The following XKR4 variants were observed in gnomAD, a reference collection of about 807,000 sequenced individuals.
XKR4 encodes the protein XK-related protein 4.
Under a neutral mutation model 53.9 loss-of-function variants are expected in XKR4, and 12 were observed. That is an observed-to-expected ratio of 0.22 (90% CI 0.14 to 0.36). The LOEUF (loss-of-function observed/expected upper bound fraction) is 0.36, where lower values mean the gene tolerates loss of function less well. XKR4 is among the 10% of genes least tolerant of loss of function. The pLI, the probability that XKR4 is intolerant of heterozygous loss-of-function variation, is 1.00. For missense variants in XKR4, 799 were observed against 859.5 expected (o/e 0.93, Z 0.88); for synonymous variants, 354 against 362.4 (o/e 0.98, Z 0.26).
intron 2 of XKR4, among the ~76,000 whole-genome samples, chr8:55,394,907 A>C (rs1804492798): frequency 6.6e-6 from 1 of 152,204 alleles, no homozygotes; most frequent in Admixed American, 6.5e-5. Context: ...ATCACTTTGC[A>C]TTGAAATGCC....
rs192117806 is a variant in XKR4, at chr8:55,472,810, G to A, written c.1007-50471G>A. Reference sequence around the variant, plus strand: ...GGAGTATTCTGAAGAATAATGGGGGGTGAGGAAACGGAGGCACCACAGGTA... The same window carrying A: ...GGAGTATTCTGAAGAATAATGGGGGATGAGGAAACGGAGGCACCACAGGTA... On this transcript the variant is annotated intron_variant, in intron 2 of 2. Transcript: ENST00000327381. 4.6e-5 allele frequency among the ~76,000 whole-genome samples: 7 copies of A among 152,184 alleles called. No homozygotes were observed. The East Asian group carries it at 1.3e-3, about 29-fold the overall frequency.
At chr8:55,141,432 G>A (rs898236000) in intron 1 of XKR4, among the ~76,000 whole-genome samples, 2 of 151,898 alleles carry the variant, frequency 1.3e-5, no homozygotes, top group South Asian at 4.2e-4. Context: ...CTCACCTTCC[G>A]TCTCTACTGG....
chr8:55,413,007 G>T (rs987641605), intron 2 of XKR4, among the ~76,000 whole-genome samples: 1 of 152,222 alleles, frequency 6.6e-6, no homozygotes, highest in Non-Finnish European at 1.5e-5. Context: ...TGACAGCAAC[G>T]TTCTGCTCTG....
intron 1 of XKR4, among the ~76,000 whole-genome samples, chr8:55,291,124 A>G (rs757374980): frequency 2.6e-5 from 4 of 151,908 alleles, no homozygotes; most frequent in Non-Finnish European, 4.4e-5. Flanking sequence ...TGAAAATGCT[A>G]TTTTTCCTCT....
At position 55,216,521 on chromosome 8, in the gene XKR4, A is replaced by G. The variant is rs922229057; in HGVS notation, c.806+113227A>G. ...GGCGGGCTGATCACCTGAGGTCAGG[A>G]GTTCGAGACCAGCCTGTCCAACATG... On this transcript the variant is annotated intron_variant, in intron 1 of 2. Coordinates refer to ENST00000327381, the MANE Select transcript of XKR4 (RefSeq NM_052898.2). 2.1e-4 allele frequency among the ~76,000 whole-genome samples: 32 copies of G among 152,318 alleles called. No homozygotes were observed. In the East Asian group the frequency reaches 6.0e-3, roughly 28 times the overall value.
chr8:55,193,503 C>A (rs1817469531), intron 1 of XKR4, among the ~76,000 whole-genome samples: 1 of 152,188 alleles, frequency 6.6e-6, no homozygotes, highest in African/African-American at 2.4e-5. Context: ...ATCTTTAGAG[C>A]TGCTGTGCTA....
intron 2 of XKR4, chr8:55,452,606 T>C: frequency 9.2e-7 from 1 of 1,092,178 alleles, no homozygotes; most frequent in East Asian, 2.4e-5. Context: ...TCTTAATGTT[T>C]ATCTGGACGA....
intron 2 of XKR4, among the ~76,000 whole-genome samples, chr8:55,487,387 C>T (rs562758734): frequency 6.6e-6 from 1 of 152,146 alleles, no homozygotes; most frequent in African/African-American, 2.4e-5. Context: ...TCCACTCAGA[C>T]TCACACACTA....
intron 2 of XKR4, among the ~76,000 whole-genome samples, chr8:55,474,502 T>C (rs1805945331): frequency 6.6e-6 from 1 of 152,120 alleles, no homozygotes; most frequent in African/African-American, 2.4e-5. Flanking sequence ...TAGAAAAATC[T>C]GTTTCTGAGT....
chr8:55,155,523 T>C (rs537082650), intron 1 of XKR4, among the ~76,000 whole-genome samples: 42 of 148,976 alleles, frequency 2.8e-4, no homozygotes, highest in Admixed American at 2.5e-3. Flanking sequence ...AATAAAGTGC[T>C]CTTGGGAATT....
intron 1 of XKR4, among the ~76,000 whole-genome samples, chr8:55,189,753 G>A (rs1817421387): frequency 6.6e-6 from 1 of 152,164 alleles, no homozygotes; most frequent in Non-Finnish European, 1.5e-5. Flanking sequence ...GTATTTGTCA[G>A]CACTTTTGTT....
rs531078438 is a variant in XKR4 at position 55,480,841 on chromosome 8, G to A, written c.1007-42440G>A. Among the ~76,000 whole-genome samples the A allele has an allele frequency of 1.7e-4, 25 of 151,274 alleles. No individual in the cohort carries two copies. In the East Asian group the frequency reaches 4.8e-3, roughly 29 times the overall value. The stretch of plus-strand genomic sequence containing the variant: ...AAATACCTAGGAATCCAACTTACAA[G>A]GGATGTGAAGGACCTCTTCAAGGAG... On this transcript the variant is annotated intron_variant, in intron 2 of 2. Coordinates refer to ENST00000327381, the MANE Select transcript of XKR4 (RefSeq NM_052898.2).
intron 2 of XKR4, among the ~76,000 whole-genome samples, chr8:55,520,541 G>A (rs1806783213): frequency 4.6e-5 from 7 of 152,190 alleles, no homozygotes; most frequent in Admixed American, 3.9e-4. Flanking sequence ...AGCTGAGATC[G>A]TGCCACTGCA....
At chr8:55,152,506 A>G (rs1239097444) in intron 1 of XKR4, among the ~76,000 whole-genome samples, 1 of 152,202 alleles carries the variant, frequency 6.6e-6, no homozygotes, top group African/African-American at 2.4e-5. Context: ...AAAGAATGAT[A>G]AATGAATGGT....
chr8:55,462,828 G>C (rs1187898498), intron 2 of XKR4, among the ~76,000 whole-genome samples: 3 of 152,288 alleles, frequency 2.0e-5, no homozygotes, highest in East Asian at 3.9e-4. Flanking sequence ...TGCAATCCTA[G>C]TCTCAGGTAA....
At chr8:55,173,443 C>A (rs955837276) in intron 1 of XKR4, among the ~76,000 whole-genome samples, 1 of 152,120 alleles carries the variant, frequency 6.6e-6, no homozygotes, top group Non-Finnish European at 1.5e-5. Flanking sequence ...GTTTCTTTAG[C>A]ATTCTGTTTC....
At chr8:55,286,186 G>T (rs913729282) in intron 1 of XKR4, among the ~76,000 whole-genome samples, 5 of 152,204 alleles carry the variant, frequency 3.3e-5, no homozygotes, top group African/African-American at 1.2e-4. Flanking sequence ...TGTGAAATGA[G>T]TGGCTCTGAA....
chr8:55,250,116 T>C (rs1412250776), intron 1 of XKR4, among the ~76,000 whole-genome samples: 2 of 152,354 alleles, frequency 1.3e-5, no homozygotes, highest in South Asian at 2.1e-4. Context: ...GTAAGTTTTA[T>C]AATTCTTTCA....
At chr8:55,393,431 G>C (rs9801908) in intron 2 of XKR4, among the ~76,000 whole-genome samples, 1 of 58,964 alleles carries the variant, frequency 1.7e-5, no homozygotes, top group Non-Finnish European at 6.8e-5. Context: ...AGGAAGGAAG[G>C]AAGGAAGGAA....
Sources: allele counts gnomAD v4.1 joint callset (sites outside exome capture counted in the v4.1 genomes callset), GRCh38; gene constraint gnomAD v4.1.1; transcripts MANE v1.5; gene names NCBI Gene and HGNC (gene_info 2026-07-23, HGNC 2026-07-21).